Variants in ATP5IF1 observed in about 807,000 individuals in gnomAD.
The protein encoded by ATP5IF1 is ATPase inhibitor, mitochondrial.
A neutral mutation model predicts 8.5 loss-of-function variants in ATP5IF1; 12 were observed. The observed-to-expected ratio is 1.41, with a 90% confidence interval of 0.90 to 2.28. ATP5IF1 has a LOEUF of 2.28. Among genes scored for constraint, ATP5IF1 ranks in the 30% most tolerant of loss-of-function variants. The probability of loss-of-function intolerance (pLI) is 0.00; values close to 1 mark genes in which losing one functional copy is unlikely to be tolerated. For missense variants in ATP5IF1, 154 were observed against 140.2 expected (o/e 1.10, Z -0.50); for synonymous variants, 51 against 53.4 (o/e 0.96, Z 0.19).
chr1:28,236,288 C>A lies in ATP5IF1; in HGVS notation c.87+18C>A. 1 of 1,614,176 alleles carries A rather than the reference C, an allele frequency of 6.2e-7. No individual in the cohort carries two copies. Among genetic ancestry groups the A allele is most frequent in the Non-Finnish European group, 8.5e-7 (1 of 1,180,022 alleles). ...CGGATCAGGTACGCTGCGGCAGTGT[C>A]CGCTGCTCCAGCCCCGCGGGCGGAT... On this transcript the variant is annotated intron_variant, in intron 1 of 2. Transcript: ENST00000335514.
intron 2 of ATP5IF1, chr1:28,237,513 G>T (rs968824834): frequency 2.9e-6 from 4 of 1,364,714 alleles, no homozygotes; most frequent in Non-Finnish European, 3.8e-6. Context: ...TCCTCATTTT[G>T]TTCCTTTTTT....
rs1412235325 is a variant in ATP5IF1 at position 28,237,946 on chromosome 1, C to T, written c.289C>T (p.Gln97Ter). Residue 97 changes from glutamine to a stop codon, truncating the protein, a stop_gained, in exon 3 of 3, where the codon CAG (glutamine) becomes TAG (stop). Transcript: ENST00000335514. LOFTEE classifies it high-confidence loss of function. ...GCAGAAAGAAATTGAGCGCCATAAGCAGAAGATCAAAATGCTAAAACATGA... is the reference window on the plus strand; with the variant it reads ...GCAGAAAGAAATTGAGCGCCATAAGTAGAAGATCAAAATGCTAAAACATGA... ...RLQKEIERHK[Q>*]KIKMLKHDD 3 of 1,612,968 alleles carry T rather than the reference C, an allele frequency of 1.9e-6. No individual in the cohort carries two copies. The highest frequency in any genetic ancestry group is 1.7e-6 in the Non-Finnish European group (2 of 1,180,004).
chr1:28,237,848 G>T lies in ATP5IF1; in HGVS notation c.191G>T (p.Arg64Ile). 1 of 1,614,170 alleles carries T rather than the reference G, an allele frequency of 6.2e-7. No individual in the cohort carries two copies. The highest frequency in any genetic ancestry group is 1.1e-5 in the South Asian group (1 of 91,078). ...CCGTGTCCTTGTAGAGCACAGAGTA[G>T]AGAACAACTGGCAGCTTTGAAAAAA... ...EEERYFRAQSREQLAALKKHH... is the reference protein window; with the variant it reads ...EEERYFRAQSIEQLAALKKHH... The change falls in exon 3 of 3, where the codon AGA (arginine) becomes ATA (isoleucine). Residue 64 changes from arginine to isoleucine, a missense_variant. Physicochemically the swap from Arg to Ile is moderately conservative, Grantham distance 97. Coordinates refer to ENST00000335514, the MANE Select transcript of ATP5IF1 (RefSeq NM_016311.5).
At chr1:28,237,526 T>C (rs564365688) in intron 2 of ATP5IF1, 55 of 1,367,052 alleles carry the variant, frequency 4.0e-5, no homozygotes, top group East Asian at 3.8e-4. Context: ...CCTTTTTTTT[T>C]CCCTAAAGGG....
intron 2 of ATP5IF1, chr1:28,237,428 T>C (rs1647048177): frequency 2.6e-6 from 3 of 1,132,570 alleles, no homozygotes; most frequent in South Asian, 2.8e-5. Flanking sequence ...TTCATTTCTA[T>C]AGGCAAAGAA....
chr1:28,237,770 G>C (rs1647051511), intron 2 of ATP5IF1, 67 bp from the exon 3 acceptor site: 4 of 1,614,112 alleles, frequency 2.5e-6, no homozygotes, highest in Non-Finnish European at 3.4e-6. Context: ...GACATTACAG[G>C]TTATGCTTTG....
In ATP5IF1 at chr1:28,237,836, G is replaced by A. The variant is rs1258715903; in HGVS notation, c.180-1G>A. The A allele has an allele frequency of 6.2e-7, 1 of 1,614,126 alleles. No homozygotes were observed. Among genetic ancestry groups the A allele is most frequent in the Admixed American group, 1.7e-5 (1 of 60,002 alleles). On this transcript the variant is annotated splice_acceptor_variant, in intron 2 of 2. Transcript: ENST00000335514. LOFTEE classifies it high-confidence loss of function. The stretch of plus-strand genomic sequence containing the variant: ...AACCCTGAGCCACCGTGTCCTTGTA[G>A]AGCACAGAGTAGAGAACAACTGGCA...
At chr1:28,236,720 C>G in intron 2 of ATP5IF1, 1 of 1,388,806 alleles carries the variant, frequency 7.2e-7, no homozygotes, top group Non-Finnish European at 9.4e-7. Context: ...CTCAACTCCT[C>G]CTTTATCATT....
chr1:28,237,795 T>G, intron 2 of ATP5IF1, 42 bp from the exon 3 acceptor site: 3 of 1,614,064 alleles, frequency 1.9e-6, no homozygotes, highest in Non-Finnish European at 2.5e-6. Context: ...CTCTTTGGGG[T>G]GAAGGATTGA....
chr1:28,237,209 T>C, intron 2 of ATP5IF1: 1 of 991,332 alleles, frequency 1.0e-6, no homozygotes, highest in South Asian at 4.6e-5. Flanking sequence ...TGTTGAGAAT[T>C]ATCACCATGA....
chr1:28,236,779 A>C (rs1272707589), intron 2 of ATP5IF1: 5 of 1,262,690 alleles, frequency 4.0e-6, no homozygotes, highest in Non-Finnish European at 4.0e-6. Context: ...ACACCCCCAG[A>C]TTCTTCGCAC....
At chr1:28,236,295 T>C in intron 1 of ATP5IF1, 25 bp downstream of exon 1, 2 of 1,614,166 alleles carry the variant, frequency 1.2e-6, no homozygotes, top group Non-Finnish European at 1.7e-6. Flanking sequence ...TGTCCGCTGC[T>C]CCAGCCCCGC....
chr1:28,237,984 C>T lies in ATP5IF1; in HGVS notation c.*6C>T. 8 of 1,606,354 alleles carry T rather than the reference C, an allele frequency of 5.0e-6. No homozygotes were observed. Among genetic ancestry groups the T allele is most frequent in the Non-Finnish European group, 6.8e-6 (8 of 1,178,894 alleles). ...TGCTAAAACATGATGATTAAGTGCA[C>T]ACCGTGTGCCATAGAATGGCACATG... is the stretch of plus-strand genomic sequence containing the variant. On this transcript the variant is annotated 3_prime_UTR_variant, in exon 3 of 3. Coordinates refer to ENST00000335514, the MANE Select transcript of ATP5IF1 (RefSeq NM_016311.5).
At chr1:28,237,394 C>G (rs1259612869) in intron 2 of ATP5IF1, 3 of 1,074,558 alleles carry the variant, frequency 2.8e-6, no homozygotes, top group Non-Finnish European at 3.4e-6. Flanking sequence ...GCAAGAGACC[C>G]TTTATTGGCC....
At chr1:28,236,918 A>C in intron 2 of ATP5IF1, 1 of 1,089,730 alleles carries the variant, frequency 9.2e-7, no homozygotes, top group Non-Finnish European at 1.1e-6. Flanking sequence ...GCATGCATTC[A>C]GGCTTCTCAG....
intron 2 of ATP5IF1, chr1:28,237,517 CTT>C: frequency 1.5e-6 from 2 of 1,349,866 alleles, no homozygotes; most frequent in Non-Finnish European, 1.9e-6. Flanking sequence ...CATTTTGTTC[CTT>C]TTTTTTTCCC....
At chr1:28,236,967 T>C in intron 2 of ATP5IF1, 1 of 1,053,860 alleles carries the variant, frequency 9.5e-7, no homozygotes, top group Non-Finnish European at 1.1e-6. Flanking sequence ...GTGAGGATGA[T>C]GGGAGCTGGT....
At position 28,237,900 on chromosome 1, in the gene ATP5IF1, T is replaced by G. The variant is rs951938160; in HGVS notation, c.243T>G (p.His81Gln). ...KKHHEEEIVH[H>Q]KKEIERLQKE... ...ACCATGAAGAAGAAATCGTTCATCA[T>G]AAGAAGGAGATTGAGCGTCTGCAGA... Residue 81 changes from histidine (H) to glutamine (Q), a missense_variant, in exon 3 of 3, where the codon CAT (histidine) becomes CAG (glutamine). Physicochemically the swap from His to Gln is conservative, Grantham distance 24. Transcript: ENST00000335514. The G allele has an allele frequency of 6.2e-7, 1 of 1,614,106 alleles. No individual in the cohort carries two copies. The highest frequency in any genetic ancestry group is 8.5e-7 in the Non-Finnish European group (1 of 1,180,030).
rs146571336 is a variant in ATP5IF1 at position 28,236,230 on chromosome 1, G to T, written c.47G>T (p.Gly16Val). 130 of 1,613,810 alleles carry T rather than the reference G, an allele frequency of 8.1e-5. No homozygotes were observed. Among genetic ancestry groups the T allele is most frequent in the Admixed American group, 2.2e-4 (13 of 60,004 alleles). Residue 16 changes from glycine to valine, a missense_variant, in exon 1 of 3, where the codon GGC becomes GTC. Transcript: ENST00000335514. Reference sequence around the variant, plus strand: ...GCGCGGACGTGGCTTGGCGTGTGGGGCGTGAGGACCATGCAAGCCCGAGGC... The same window carrying T: ...GCGCGGACGTGGCTTGGCGTGTGGGTCGTGAGGACCATGCAAGCCCGAGGC... ...LAARTWLGVW[G>V]VRTMQARGFG...
Sources: gnomAD v4.1 joint callset for allele counts on GRCh38, gnomAD v4.1.1 for gene constraint, MANE v1.5 for transcripts, NCBI Gene and HGNC (gene_info 2026-07-23, HGNC 2026-07-21) for gene names.